Variants in ERLEC1 observed in about 807,000 individuals in gnomAD.
ERLEC1 encodes endoplasmic reticulum lectin 1, also known as ER lectin.
ERLEC1 carries 47 observed loss-of-function variants against 68.0 expected under a neutral mutation model. The ratio of observed to expected loss-of-function variants is 0.69; its 90% CI spans 0.55 to 0.88. The LOEUF (loss-of-function observed/expected upper bound fraction) is 0.88, where lower values mean the gene tolerates loss of function less well. Ranked by LOEUF, ERLEC1 falls within the 40% of genes least tolerant of loss-of-function variation. The pLI is 0.00. For synonymous variants in ERLEC1, 225 were observed against 203.2 expected (o/e 1.11, Z -0.91); for missense variants, 567 against 583.8 (o/e 0.97, Z 0.30).
intron 13 of ERLEC1, among the ~76,000 whole-genome samples, chr2:53,815,476 A>G (rs1170565091): frequency 1.3e-5 from 2 of 152,172 alleles, no homozygotes; most frequent in African/African-American, 4.8e-5. Context: ...GTTGAGCTTG[A>G]TAAGTTTTGA....
At chr2:53,794,472 A>G in intron 2 of ERLEC1, 23 bp downstream of exon 2, 1 of 1,090,400 alleles carries the variant, frequency 9.2e-7, no homozygotes, top group African/African-American at 1.6e-5. Flanking sequence ...AAATATATTG[A>G]TAATCCTGTC....
chr2:53,801,361 T>G (rs1675993266), intron 6 of ERLEC1, 36 bp from the exon 7 acceptor site: 1 of 1,539,640 alleles, frequency 6.5e-7, no homozygotes, highest in Non-Finnish European at 9.0e-7. Flanking sequence ...TCTCCATGTC[T>G]AATGAAAAGT....
At chr2:53,806,165 G>A (rs777210748) in intron 8 of ERLEC1, among the ~76,000 whole-genome samples, 66 of 152,074 alleles carry the variant, frequency 4.3e-4, no homozygotes, top group Non-Finnish European at 7.1e-4. Context: ...TTGGTTTGAT[G>A]TTCTGCCTGT....
Position 53,814,409 on chromosome 2 carries a change from G to T in ERLEC1, c.1227-134G>T, listed in dbSNP as rs181030953. The T allele has an allele frequency of 2.4e-4, 125 of 525,956 alleles. No homozygotes were observed. The Admixed American group carries it at 2.9e-3, about 12-fold the overall frequency. 32.6% of individuals were successfully genotyped at this position (525,956 alleles called of 1,614,324 possible). ...ATAACCCTAAAAATATTTTTTTAAA[G>T]AATATTTTATAGTCAGGTTTTTTTT... On this transcript the variant is annotated intron_variant, in intron 11 of 13. Coordinates refer to ENST00000185150, the MANE Select transcript of ERLEC1 (RefSeq NM_015701.5).
At chr2:53,814,803 A>AAT in intron 12 of ERLEC1, 57 bp from the exon 13 acceptor site, 2 of 1,322,624 alleles carry the variant, frequency 1.5e-6, no homozygotes, top group African/African-American at 2.9e-5. Flanking sequence ...TACAGTTATT[A>AAT]ACAGTGATCT....
chr2:53,797,607 A>C lies in ERLEC1; in HGVS notation c.426+15A>C. On this transcript the variant is annotated intron_variant, in intron 4 of 13. Transcript: ENST00000185150. ...AAACTGGTCAGGTGTGTTTTTCTTC[A>C]AAATATTATTATGAAACATTATAAG... 1 of 1,603,960 alleles carries C rather than the reference A, an allele frequency of 6.2e-7. No individual in the cohort carries two copies. The highest frequency in any genetic ancestry group is 1.3e-5 in the African/African-American group (1 of 74,528).
intron 5 of ERLEC1, among the ~76,000 whole-genome samples, chr2:53,798,124 G>A (rs879054249): frequency 6.6e-6 from 1 of 152,160 alleles, no homozygotes; most frequent in Non-Finnish European, 1.5e-5. Context: ...GAACACAGGA[G>A]GCGGAGCTTG....
chr2:53,794,432 G>C lies in ERLEC1; in HGVS notation c.250G>C (p.Val84Leu), dbSNP rs1239307388. 1 of 1,543,884 alleles carries C rather than the reference G, an allele frequency of 6.5e-7. No homozygotes were observed. Among genetic ancestry groups the C allele is most frequent in the Admixed American group, 1.8e-5 (1 of 54,392 alleles). The change falls in exon 2 of 14, where the codon GTG becomes CTG. Residue 84 changes from valine (V) to leucine (L), a missense_variant. Physicochemically the swap from Val to Leu is conservative, Grantham distance 32. Coordinates refer to ENST00000185150, the MANE Select transcript of ERLEC1 (RefSeq NM_015701.5). ...AAAATATAAATGCATACTTCCCCTT[G>C]TGACAAGTGGGGATGAGGTAAGTTT... ...KEKYKCILPL[V>L]TSGDEEEEKD... is the part of the protein sequence containing the mutation.
chr2:53,818,163 G>A lies in ERLEC1; in HGVS notation c.*194G>A, dbSNP rs1218591852. 3 of 425,624 alleles carry A rather than the reference G, an allele frequency of 7.0e-6. No individual in the cohort carries two copies. Among genetic ancestry groups the A allele is most frequent in the South Asian group, 5.0e-5 (1 of 19,862 alleles). 26.4% of individuals were successfully genotyped at this position (425,624 alleles called of 1,614,324 possible). On this transcript the variant is annotated 3_prime_UTR_variant, in exon 14 of 14. Coordinates refer to ENST00000185150, the MANE Select transcript of ERLEC1 (RefSeq NM_015701.5). ...AACTTCTGAGGCAGACATTTGTCTC[G>A]CTTTTTTTCATTTTTGTTGTGTCTT... is the stretch of plus-strand genomic sequence containing the variant.
At chr2:53,799,811 GAC>G (rs900115756) in intron 6 of ERLEC1, among the ~76,000 whole-genome samples, 4 of 152,200 alleles carry the variant, frequency 2.6e-5, no homozygotes, top group Admixed American at 2.6e-4. Context: ...GCTTTGGAGA[GAC>G]TTGATAAGCT....
At chr2:53,797,916 G>T in intron 5 of ERLEC1, 121 bp downstream of exon 5, 1 of 904,432 alleles carries the variant, frequency 1.1e-6, no homozygotes, top group South Asian at 1.4e-5. Context: ...ACTGAAATAG[G>T]CTGGGCGCGG....
chr2:53,812,898 C>T (rs1007423127), intron 10 of ERLEC1, 51 bp from the exon 11 acceptor site: 7 of 1,583,842 alleles, frequency 4.4e-6, no homozygotes, highest in Non-Finnish European at 4.3e-6. Flanking sequence ...GCATAAATAT[C>T]TACTTGATGA....
At chr2:53,807,744 G>T (rs6724214) in intron 8 of ERLEC1, among the ~76,000 whole-genome samples, 28,572 of 151,884 alleles carry the variant, frequency 0.19, 3,830 homozygotes, top group African/African-American at 0.38. Flanking sequence ...TGGTGGCTTA[G>T]GCCTGTAATC....
At chr2:53,807,334 A>G (rs1472906195) in intron 8 of ERLEC1, among the ~76,000 whole-genome samples, 1 of 152,166 alleles carries the variant, frequency 6.6e-6, no homozygotes, top group Non-Finnish European at 1.5e-5. Flanking sequence ...TGAAGTCTTC[A>G]TATTTCAGTT....
intron 13 of ERLEC1, among the ~76,000 whole-genome samples, chr2:53,815,573 C>G (rs1676832649): frequency 6.6e-6 from 1 of 152,178 alleles, no homozygotes; most frequent in East Asian, 1.9e-4. Context: ...GTAAATACCC[C>G]TTAGCCTTGC....
rs564764527 is a variant in ERLEC1 at position 53,791,454 on chromosome 2, A to G, written c.163-2891A>G. 7.2e-5 allele frequency among the ~76,000 whole-genome samples: 11 copies of G among 152,352 alleles called. 1 individual carries two copies. Among genetic ancestry groups the G allele is most frequent in the African/African-American group, 2.4e-4 (10 of 41,584 alleles). On this transcript the variant is annotated intron_variant, in intron 1 of 13. Transcript: ENST00000185150. Reference sequence around the variant, plus strand: ...TTTCTTAAAGTAAAACCTGTTTTATACAATCAGAATCCTGATTTTAGTGGA... The same window carrying G: ...TTTCTTAAAGTAAAACCTGTTTTATGCAATCAGAATCCTGATTTTAGTGGA...
intron 11 of ERLEC1, among the ~76,000 whole-genome samples, chr2:53,813,619 TACG>T (rs1676706205): frequency 6.6e-6 from 1 of 152,182 alleles, no homozygotes; most frequent in African/African-American, 2.4e-5. Flanking sequence ...CAAGAATAAC[TACG>T]CATTAGCTTT....
At chr2:53,796,889 CTTTTTTTTTTTT>C (rs958244464) in intron 3 of ERLEC1, among the ~76,000 whole-genome samples, 4 of 117,244 alleles carry the variant, frequency 3.4e-5, no homozygotes, top group Non-Finnish European at 5.3e-5. Context: ...TTTTCTTTTT[CTTTTTTTTTTTT>C]TTTTTTTTGA....
chr2:53,798,835 A>C (rs1338622680), intron 5 of ERLEC1, among the ~76,000 whole-genome samples: 1 of 152,154 alleles, frequency 6.6e-6, no homozygotes, highest in South Asian at 2.1e-4. Context: ...TTCTACCTGA[A>C]ATAGAGTATT....
Sources: allele counts gnomAD v4.1 joint callset (sites outside exome capture counted in the v4.1 genomes callset), GRCh38; gene constraint gnomAD v4.1.1; transcripts MANE v1.5; gene names NCBI Gene and HGNC (gene_info 2026-07-23, HGNC 2026-07-21).